The following KCNH1 variants were observed in gnomAD, a reference collection of about 807,000 sequenced individuals.
KCNH1 encodes voltage-gated delayed rectifier potassium channel KCNH1.
A neutral mutation model predicts 69.2 loss-of-function variants in KCNH1; 27 were observed. That is an observed-to-expected ratio of 0.39 (90% CI 0.29 to 0.54). The LOEUF (loss-of-function observed/expected upper bound fraction) is 0.54. KCNH1 is among the 20% of genes least tolerant of loss of function. The pLI, the probability that KCNH1 is intolerant of heterozygous loss-of-function variation, is 0.68. For synonymous variants in KCNH1, 456 were observed against 487.7 expected (o/e 0.93, Z 0.86); for missense variants, 798 against 1,261.6 (o/e 0.63, Z 5.57).
intron 7 of KCNH1, among the ~76,000 whole-genome samples, chr1:210,853,631 A>C (rs1474814428): frequency 2.0e-5 from 3 of 152,326 alleles, no homozygotes; most frequent in African/African-American, 7.2e-5. Flanking sequence ...TTTACCTTTA[A>C]GAGCTTCAAA....
chr1:210,986,186 T>G (rs1688830047), intron 6 of KCNH1, among the ~76,000 whole-genome samples: 1 of 152,238 alleles, frequency 6.6e-6, no homozygotes, highest in South Asian at 2.1e-4. Flanking sequence ...TCTCTGCACG[T>G]GAGATGGGTC....
chr1:211,097,438 TA>T (rs1207043780), intron 3 of KCNH1, among the ~76,000 whole-genome samples: 1 of 151,640 alleles, frequency 6.6e-6, no homozygotes, highest in African/African-American at 2.4e-5. Flanking sequence ...AAATGGTTTT[TA>T]AAAAAAAAGT....
chr1:210,992,108 G>T (rs1688949214), intron 6 of KCNH1, among the ~76,000 whole-genome samples: 1 of 152,170 alleles, frequency 6.6e-6, no homozygotes, highest in Non-Finnish European at 1.5e-5. Flanking sequence ...TAACAATGTG[G>T]GCACTGCAGT....
chr1:210,987,176 G>T (rs1484257376), intron 6 of KCNH1, among the ~76,000 whole-genome samples: 15 of 151,996 alleles, frequency 9.9e-5, no homozygotes, highest in Non-Finnish European at 1.9e-4. Flanking sequence ...ATTCTAGTTA[G>T]CCATTCGTCT....
rs1432500940 is a variant in KCNH1 at position 210,926,328 on chromosome 1, C to T, written c.1033-6259G>A. ...CGAGTCCACTCCACTCCCCTGCTACCTCCACTGGAGCAGGCACTGGTATCC... is the reference window on the plus strand; with the variant it reads ...CGAGTCCACTCCACTCCCCTGCTACTTCCACTGGAGCAGGCACTGGTATCC... On this transcript the variant is annotated intron_variant, in intron 6 of 10. Transcript: ENST00000271751. Among the ~76,000 whole-genome samples, 4 of 152,264 alleles carry T rather than the reference C, an allele frequency of 2.6e-5. No homozygotes were observed. The East Asian group carries it at 7.7e-4, about 29-fold the overall frequency.
intron 10 of KCNH1, among the ~76,000 whole-genome samples, chr1:210,733,490 T>G (rs948060012): frequency 6.6e-6 from 1 of 152,194 alleles, no homozygotes; most frequent in Non-Finnish European, 1.5e-5. Flanking sequence ...CCATAAACAA[T>G]TAATTGATCT....
intron 10 of KCNH1, 125 bp from the exon 11 acceptor site, chr1:210,684,263 G>T: frequency 9.9e-7 from 1 of 1,010,688 alleles, no homozygotes; most frequent in Non-Finnish European, 1.4e-6. Flanking sequence ...AGAGGCTGGG[G>T]CTCACAGCCT....
intron 7 of KCNH1, among the ~76,000 whole-genome samples, chr1:210,828,496 C>T (rs552891085): frequency 1.3e-5 from 2 of 152,230 alleles, no homozygotes; most frequent in Admixed American, 6.5e-5. Flanking sequence ...GGTCTCTAAC[C>T]ATCCACCCAT....
intron 7 of KCNH1, among the ~76,000 whole-genome samples, chr1:210,910,607 G>A (rs1687210163): frequency 6.6e-6 from 1 of 152,202 alleles, no homozygotes; most frequent in Non-Finnish European, 1.5e-5. Flanking sequence ...AATGAGATTG[G>A]GGGTCAGAGA....
chr1:210,735,071 G>A (rs781717679), intron 10 of KCNH1, among the ~76,000 whole-genome samples: 26 of 152,102 alleles, frequency 1.7e-4, no homozygotes, highest in Admixed American at 3.3e-4. Context: ...GGTTTAGAAT[G>A]CTCCACACTT....
At chr1:211,029,686 C>G (rs781459261) in intron 5 of KCNH1, among the ~76,000 whole-genome samples, 1 of 152,080 alleles carries the variant, frequency 6.6e-6, no homozygotes, top group Non-Finnish European at 1.5e-5. Flanking sequence ...CAACACAGTA[C>G]TGCTGTTGCA....
intron 7 of KCNH1, among the ~76,000 whole-genome samples, chr1:210,899,380 A>C (rs936147884): frequency 2.0e-5 from 3 of 151,978 alleles, no homozygotes; most frequent in East Asian, 3.8e-4. Flanking sequence ...AAATATGCCG[A>C]TAGTCAACAT....
intron 1 of KCNH1, among the ~76,000 whole-genome samples, chr1:211,124,695 C>A (rs1431108757): frequency 6.6e-6 from 1 of 152,076 alleles, no homozygotes; most frequent in Non-Finnish European, 1.5e-5. Flanking sequence ...AGGGTCTTGG[C>A]AGCAAAATAT....
intron 6 of KCNH1, among the ~76,000 whole-genome samples, chr1:210,998,306 G>A (rs902331211): frequency 3.3e-5 from 5 of 152,160 alleles, no homozygotes; most frequent in Admixed American, 6.6e-5. Flanking sequence ...AAAATAAAGG[G>A]ATGGAGGAAG....
At chr1:211,091,023 C>T (rs1411716258) in intron 3 of KCNH1, among the ~76,000 whole-genome samples, 1 of 152,058 alleles carries the variant, frequency 6.6e-6, no homozygotes, top group Non-Finnish European at 1.5e-5. Context: ...TACCTTAGAC[C>T]ACATAATGGA....
chr1:210,975,726 C>A (rs551413650), intron 6 of KCNH1, among the ~76,000 whole-genome samples: 1 of 152,252 alleles, frequency 6.6e-6, no homozygotes, highest in Non-Finnish European at 1.5e-5. Context: ...AAAGCAATGG[C>A]AACAAAAGCC....
intron 5 of KCNH1, among the ~76,000 whole-genome samples, chr1:211,058,141 T>C (rs892353749): frequency 1.3e-5 from 2 of 151,954 alleles, no homozygotes; most frequent in Non-Finnish European, 1.5e-5. Flanking sequence ...GAAGAAAAAA[T>C]AAATATTTTC....
intron 7 of KCNH1, among the ~76,000 whole-genome samples, chr1:210,823,491 T>C (rs1217160397): frequency 3.9e-5 from 6 of 152,200 alleles, no homozygotes; most frequent in Non-Finnish European, 8.8e-5. Context: ...CCTGTGTTTT[T>C]CTTACAGCAC....
At chr1:211,094,771 A>C (rs1303313587) in intron 3 of KCNH1, among the ~76,000 whole-genome samples, 1 of 152,212 alleles carries the variant, frequency 6.6e-6, no homozygotes, top group Admixed American at 6.5e-5. Context: ...CAGTCTAAGA[A>C]AGTGAGTAGA....
Sources: allele counts gnomAD v4.1 joint callset (sites outside exome capture counted in the v4.1 genomes callset), GRCh38; gene constraint gnomAD v4.1.1; transcripts MANE v1.5; gene names NCBI Gene and HGNC (gene_info 2026-07-23, HGNC 2026-07-21).